The following VPS37B variants were observed in gnomAD, a reference collection of about 807,000 sequenced individuals.
VPS37B encodes VPS37B subunit of ESCRT-I.
A neutral mutation model predicts 21.2 loss-of-function variants in VPS37B; 11 were observed. That is an observed-to-expected ratio of 0.52 (90% CI 0.33 to 0.86). VPS37B has a LOEUF of 0.86. Ranked by LOEUF, VPS37B falls within the 40% of genes least tolerant of loss-of-function variation. The probability of loss-of-function intolerance (pLI) is 0.03; values close to 1 mark genes in which losing one functional copy is unlikely to be tolerated. For missense variants in VPS37B, 389 were observed against 374.8 expected, an observed-to-expected ratio of 1.04 and a Z score of -0.31; for synonymous variants, 175 against 159.6, an observed-to-expected ratio of 1.10 and a Z score of -0.73.
intron 1 of VPS37B, chr12:122,884,575 CCA>C (rs2034294901): frequency 6.6e-6 from 1 of 152,046 alleles, no homozygotes; most frequent in South Asian, 2.1e-4. Context: ...GTATGAGATT[CCA>C]GTGTAGGAGC....
In VPS37B at chr12:122,867,157, G is replaced by C; in HGVS notation, c.817C>G (p.Pro273Ala). 1 of 1,552,478 alleles carries C rather than the reference G, an allele frequency of 6.4e-7. No individual in the cohort carries two copies. The change falls in exon 4 of 4, where the codon CCC becomes GCC. Residue 273 changes from proline to alanine, a missense_variant. Coordinates refer to ENST00000267202, the MANE Select transcript of VPS37B (RefSeq NM_024667.3). This position sits in a 1 kb window ranked among gnomAD's most constrained non-coding sequence, Gnocchi z 5.5. The part of the protein sequence containing the change: ...YPPPLPQRPP[P>A]RLPPHQPGFI... Reference sequence around the variant, plus strand: ...CCCGGCTGGTGTGGAGGGAGCCGGGGCGGGGGTCTCTGAGGGAGAGGTGGC... The same window carrying C: ...CCCGGCTGGTGTGGAGGGAGCCGGGCCGGGGGTCTCTGAGGGAGAGGTGGC...
At chr12:122,895,753 C>G (rs987203208) in intron 1 of VPS37B, among the ~76,000 whole-genome samples, 199 bp downstream of exon 1, 2 of 151,828 alleles carry the variant, frequency 1.3e-5, no homozygotes, top group Admixed American at 1.3e-4. Context: ...CTCAAACCCC[C>G]TCTCAGGCCC....
chr12:122,878,486 C>A (rs953104699), intron 1 of VPS37B: 1 of 151,374 alleles, frequency 6.6e-6, no homozygotes, highest in East Asian at 1.9e-4. Context: ...AATGGTGTGC[C>A]CCCCTCCCCC....
At chr12:122,871,424 T>C in intron 1 of VPS37B, 1 of 1,002,592 alleles carries the variant, frequency 1.0e-6, no homozygotes, top group Non-Finnish European at 1.2e-6. Context: ...CTGATTTTTT[T>C]CAAAACAAGT....
chr12:122,872,752 T>TA (rs1416843265), intron 1 of VPS37B: 1 of 943,918 alleles, frequency 1.1e-6, no homozygotes, highest in Non-Finnish European at 1.3e-6. Context: ...GTAACTACCC[T>TA]ATGACCCAGA....
Position 122,867,704 on chromosome 12 carries a change from C to T in VPS37B, c.367-97G>A, listed in dbSNP as rs2033935494. Reference sequence around the variant, plus strand: ...AGGAGAGGCAACGCCCAGCTGCTTCCAACACTGCCCCCTCCCTGTAACCAC... The same window carrying T: ...AGGAGAGGCAACGCCCAGCTGCTTCTAACACTGCCCCCTCCCTGTAACCAC... On this transcript the variant is annotated intron_variant, in intron 3 of 3. Transcript: ENST00000267202. The surrounding 1 kb of genome is among the most constrained non-coding windows in gnomAD (Gnocchi z 5.5). The T allele has an allele frequency of 6.6e-7, 1 of 1,525,258 alleles. No homozygotes were observed. Among genetic ancestry groups the T allele is most frequent in the Non-Finnish European group, 8.9e-7 (1 of 1,121,706 alleles). 94.5% of individuals were successfully genotyped at this position (1,525,258 alleles called of 1,614,324 possible).
chr12:122,882,296 GT>G (rs2034257377), intron 1 of VPS37B: 2 of 152,010 alleles, frequency 1.3e-5, no homozygotes, highest in Non-Finnish European at 2.9e-5. Flanking sequence ...AAGTAATGAA[GT>G]TTTTATCTCT....
intron 1 of VPS37B, chr12:122,888,841 T>A: frequency 3.3e-6 from 1 of 299,920 alleles, no homozygotes; most frequent in East Asian, 9.2e-5. Flanking sequence ...GGAGAGTGGC[T>A]TGAATTTCTG....
At chr12:122,891,846 A>T (rs896737956) in intron 1 of VPS37B, among the ~76,000 whole-genome samples, 3 of 152,250 alleles carry the variant, frequency 2.0e-5, no homozygotes, top group African/African-American at 7.2e-5. Context: ...CTTCCAGACC[A>T]GAGCTCTTTA....
At chr12:122,875,940 C>T (rs2034142096) in intron 1 of VPS37B, 1 of 151,918 alleles carries the variant, frequency 6.6e-6, no homozygotes, top group Admixed American at 6.6e-5. Context: ...TGATGCCAAC[C>T]TCTTGATCAT....
rs1212139309 is a variant in VPS37B at position 122,868,456 on chromosome 12, TCCA to T, written c.366+21_366+23del. On this transcript the variant is annotated intron_variant, in intron 3 of 3. Transcript: ENST00000267202. This position sits in a 1 kb window ranked among gnomAD's most constrained non-coding sequence, Gnocchi z 5.5. Reference sequence around the variant, plus strand: ...GGACTGCCCAAAGCGCCCCAAGGATTCCACCAAGGCTGGTGGGCTTTACCTCAG... The same window carrying T: ...GGACTGCCCAAAGCGCCCCAAGGATTCCAAGGCTGGTGGGCTTTACCTCAG... 6.2e-7 allele frequency: 1 copy of T among 1,607,854 alleles called. No homozygotes were observed. The highest frequency in any genetic ancestry group is 1.7e-5 in the Admixed American group (1 of 59,526).
intron 1 of VPS37B, chr12:122,872,457 A>C: frequency 1.0e-6 from 1 of 985,450 alleles, no homozygotes; most frequent in Non-Finnish European, 1.2e-6. Flanking sequence ...AAAAGCTAGG[A>C]GTGTCCTCGA....
At chr12:122,882,281 T>C (rs2034257179) in intron 1 of VPS37B, 1 of 152,066 alleles carries the variant, frequency 6.6e-6, no homozygotes. Context: ...GGGAGTATCA[T>C]TATGAAGTAA....
rs759526363 is a variant in VPS37B, at chr12:122,868,640, T to C, written c.284-78A>G. 1.1e-4 allele frequency: 134 copies of C among 1,256,272 alleles called. No homozygotes were observed. Among genetic ancestry groups the C allele is most frequent in the Middle Eastern group, 1.9e-4 (1 of 5,380 alleles). The allele number at this position is 1,256,272 out of a possible 1,614,324, so 77.8% of individuals were successfully genotyped here. On this transcript the variant is annotated intron_variant, in intron 2 of 3. Coordinates refer to ENST00000267202, the MANE Select transcript of VPS37B (RefSeq NM_024667.3). The surrounding 1 kb of genome is among the most constrained non-coding windows in gnomAD (Gnocchi z 5.5). Reference sequence around the variant, plus strand: ...CTTCATGATGCCAACCACGGCAGGATTGCACCTTCCTTTCCAGGAAGCTGA... The same window carrying C: ...CTTCATGATGCCAACCACGGCAGGACTGCACCTTCCTTTCCAGGAAGCTGA...
At chr12:122,883,189 T>C (rs1207261254) in intron 1 of VPS37B, 1 of 152,190 alleles carries the variant, frequency 6.6e-6, no homozygotes, top group Non-Finnish European at 1.5e-5. Flanking sequence ...ATTAGATTAA[T>C]AAAGATAGCT....
rs1291153924 is a variant in VPS37B at position 122,885,616 on chromosome 12, TTTC to T, written c.111+10333_111+10335del. Reference sequence around the variant, plus strand: ...GGTAGTGATATGATGTGATTACACTTTTCTTCTTTATGGTTGTGTTTTCCAAAT... The same window carrying T: ...GGTAGTGATATGATGTGATTACACTTTTCTTTATGGTTGTGTTTTCCAAAT... On this transcript the variant is annotated intron_variant, in intron 1 of 3. Coordinates refer to ENST00000267202, the MANE Select transcript of VPS37B (RefSeq NM_024667.3). The T allele has an allele frequency of 7.2e-5, 11 of 151,804 alleles. No individual in the cohort carries two copies. The East Asian group carries it at 1.9e-3, about 27-fold the overall frequency. 9.4% of individuals were successfully genotyped at this position (151,804 alleles called of 1,614,324 possible). A position where few individuals can be genotyped will look rare whatever the true frequency, so the allele number is the denominator to read the frequency against.
intron 1 of VPS37B, among the ~76,000 whole-genome samples, chr12:122,892,569 T>C (rs540536688): frequency 1.3e-5 from 2 of 152,172 alleles, no homozygotes; most frequent in East Asian, 3.9e-4. Context: ...AGGCCTGTTA[T>C]ATTTACCATT....
At chr12:122,873,972 G>T (rs1181510616) in intron 1 of VPS37B, 3 of 152,168 alleles carry the variant, frequency 2.0e-5, no homozygotes, top group Admixed American at 6.5e-5. Context: ...CAAAACTGTG[G>T]AGGAAAAAAA....
At chr12:122,872,450 A>C in intron 1 of VPS37B, 1 of 985,440 alleles carries the variant, frequency 1.0e-6, no homozygotes, top group Non-Finnish European at 1.2e-6. Context: ...CTAAAGTAAA[A>C]GCTAGGAGTG....
Sources: gnomAD v4.1 joint callset for allele counts (sites outside exome capture counted in the v4.1 genomes callset) on GRCh38, gnomAD v4.1.1 for gene constraint, Gnocchi (gnomAD v3.1) non-coding constraint, MANE v1.5 for transcripts, NCBI Gene and HGNC (gene_info 2026-07-23, HGNC 2026-07-21) for gene names.